UCHL5: variants seen among roughly 807,000 people sequenced by gnomAD.
The protein encoded by UCHL5 is ubiquitin C-terminal hydrolase L5.
Under a neutral mutation model 53.8 loss-of-function variants are expected in UCHL5, and 34 were observed. The observed-to-expected ratio is 0.63, with a 90% CI of 0.48 to 0.84. The LOEUF (loss-of-function observed/expected upper bound fraction) is 0.84, where lower values mean the gene tolerates loss of function less well. Among genes scored for constraint, UCHL5 ranks in the 40% least tolerant of loss-of-function variants. The probability of loss-of-function intolerance (pLI) is 0.00; values close to 1 mark genes in which losing one functional copy is unlikely to be tolerated. For synonymous variants in UCHL5, 111 were observed against 126.3 expected (o/e 0.88, Z 0.81); for missense variants, 290 against 385.6 (o/e 0.75, Z 2.08).
intron 3 of UCHL5, among the ~76,000 whole-genome samples, chr1:193,040,414 T>C (rs888109879): frequency 1.3e-5 from 2 of 152,160 alleles, no homozygotes; most frequent in Non-Finnish European, 2.9e-5. Context: ...TCATTAATCA[T>C]CAGAGCAATG....
At chr1:193,060,013 C>G (rs755037411), upstream of UCHL5, 151 of 1,359,448 alleles carry the variant, frequency 1.1e-4, no homozygotes, top group Non-Finnish European at 1.4e-4. Context: ...CAGGGTGGGC[C>G]CTTTCCGAAG....
intron 8 of UCHL5, among the ~76,000 whole-genome samples, chr1:193,023,535 G>A (rs1487714070): frequency 6.6e-6 from 1 of 152,012 alleles, no homozygotes; most frequent in African/African-American, 2.4e-5. Context: ...CACTTATTTA[G>A]CATTTACCAT....
In UCHL5 at chr1:193,014,689, T is replaced by G. The variant is rs1654638672; in HGVS notation, c.*1662A>C. On this transcript the variant is annotated 3_prime_UTR_variant, in exon 11 of 11. Transcript: ENST00000367454. The stretch of plus-strand genomic sequence containing the variant: ...TCAGCTATTCTATTCTGGCTCCATT[T>G]GTTGAAAAGACTTTCCTTCTCTGTT... 1 of 152,210 alleles carries G rather than the reference T, an allele frequency of 6.6e-6. No homozygotes were observed. The highest frequency in any genetic ancestry group is 1.5e-5 in the Non-Finnish European group (1 of 68,026). 9.4% of individuals were successfully genotyped at this position (152,210 alleles called of 1,614,324 possible). A position where few individuals can be genotyped will look rare whatever the true frequency, so the allele number is the denominator to read the frequency against.
chr1:193,025,878 C>T (rs567987329), intron 7 of UCHL5, among the ~76,000 whole-genome samples: 49 of 152,110 alleles, frequency 3.2e-4, no homozygotes, highest in African/African-American at 1.2e-3. Context: ...TGAAAGGCAT[C>T]GGTCTACCTG....
intron 8 of UCHL5, among the ~76,000 whole-genome samples, chr1:193,023,444 T>C (rs986217533): frequency 6.6e-6 from 1 of 152,170 alleles, no homozygotes; most frequent in Non-Finnish European, 1.5e-5. Context: ...ACTCTAAATA[T>C]ACCCAGTTAA....
intron 2 of UCHL5, among the ~76,000 whole-genome samples, 158 bp downstream of exon 2, chr1:193,051,595 AT>A (rs1669081688): frequency 1.3e-5 from 2 of 152,084 alleles, no homozygotes; most frequent in South Asian, 2.1e-4. Context: ...TTATAAAAAA[AT>A]AATAATAATA....
intron 3 of UCHL5, among the ~76,000 whole-genome samples, chr1:193,042,623 G>A (rs79233382): frequency 0.016 from 2,411 of 152,096 alleles, 57 homozygotes; most frequent in African/African-American, 0.054. Context: ...ACTATCACAT[G>A]GACTTCTGCA....
chr1:193,056,417 T>G (rs1307852913), intron 1 of UCHL5, among the ~76,000 whole-genome samples: 1 of 152,214 alleles, frequency 6.6e-6, no homozygotes, highest in Non-Finnish European at 1.5e-5. Context: ...TTTTCTACTT[T>G]CTTATTAAAA....
chr1:193,059,848 C>T, upstream of UCHL5: 1 of 1,362,502 alleles, frequency 7.3e-7, no homozygotes, highest in Non-Finnish European at 9.8e-7. This position sits in a 1 kb window ranked among gnomAD's most constrained non-coding sequence, Gnocchi z 4.9. Context: ...CTGACCAGTC[C>T]TCCATGTCTC....
At chr1:193,059,422 G>A (rs755016729), upstream of UCHL5, 8 of 1,610,626 alleles carry the variant, frequency 5.0e-6, no homozygotes, top group African/African-American at 1.1e-4. The surrounding 1 kb of genome is among the most constrained non-coding windows in gnomAD (Gnocchi z 4.9). Context: ...CCTGCAGCGC[G>A]ACTGAGCGCG....
chr1:193,039,783 T>C (rs1230097755), intron 3 of UCHL5, among the ~76,000 whole-genome samples: 6 of 152,196 alleles, frequency 3.9e-5, no homozygotes, highest in Admixed American at 6.5e-5. Flanking sequence ...AACAGGATTC[T>C]AGCATAAATA....
At chr1:193,030,235 C>T (rs1027052988) in intron 3 of UCHL5, among the ~76,000 whole-genome samples, 1 of 152,178 alleles carries the variant, frequency 6.6e-6, no homozygotes, top group East Asian at 1.9e-4. Context: ...ACATTCTAGC[C>T]AAAGGAAAAA....
chr1:193,058,398 A>C (rs533309442), intron 1 of UCHL5, among the ~76,000 whole-genome samples: 1 of 152,254 alleles, frequency 6.6e-6, no homozygotes, highest in South Asian at 2.1e-4. Flanking sequence ...CGTAGAGTCA[A>C]TAACACTTGG....
At chr1:193,049,925 TAGTC>T (rs1257611299) in intron 2 of UCHL5, 74 bp from the exon 3 acceptor site, 8 of 1,283,914 alleles carry the variant, frequency 6.2e-6, no homozygotes, top group Non-Finnish European at 7.4e-6. Flanking sequence ...TATAAAATTT[TAGTC>T]AGTTATCTAA....
chr1:193,059,799 G>T, upstream of UCHL5: 2 of 1,356,342 alleles, frequency 1.5e-6, no homozygotes, highest in Non-Finnish European at 2.0e-6. This position sits in a 1 kb window ranked among gnomAD's most constrained non-coding sequence, Gnocchi z 4.9. Flanking sequence ...CGGGAGGCCG[G>T]CTGGGAGCCT....
chr1:193,043,945 G>A (rs958560052), intron 3 of UCHL5, among the ~76,000 whole-genome samples: 8 of 152,084 alleles, frequency 5.3e-5, no homozygotes, highest in Non-Finnish European at 7.4e-5. Context: ...TTCCTCTGTT[G>A]TAATAAGCCA....
chr1:193,037,910 A>AG (rs1553252431), intron 3 of UCHL5, among the ~76,000 whole-genome samples: 1 of 150,626 alleles, frequency 6.6e-6, no homozygotes, highest in Non-Finnish European at 1.5e-5. Context: ...AAAAAAAAAA[A>AG]GGTCATTTAC....
At chr1:193,052,709 G>T (rs1292400395) in intron 1 of UCHL5, among the ~76,000 whole-genome samples, 3 of 152,128 alleles carry the variant, frequency 2.0e-5, no homozygotes, top group African/African-American at 7.2e-5. Flanking sequence ...AGATAATGTA[G>T]AAGATAATTT....
chr1:193,016,530 T>G lies in UCHL5; in HGVS notation c.943-135A>C, dbSNP rs1571396872. On this transcript the variant is annotated intron_variant, in intron 10 of 10. Coordinates refer to ENST00000367454, the MANE Select transcript of UCHL5 (RefSeq NM_001199261.3). ...TGTTTATAAGACTTCTAAAGCATTA[T>G]GTTTTATAACTTGAGACTTATAACA... The G allele has an allele frequency of 1.2e-5, 9 of 741,594 alleles. No homozygotes were observed. The East Asian group carries it at 2.8e-4, about 23-fold the overall frequency. 45.9% of individuals were successfully genotyped at this position (741,594 alleles called of 1,614,324 possible).
Sources: gnomAD v4.1 joint callset for allele counts (sites outside exome capture counted in the v4.1 genomes callset) on GRCh38, gnomAD v4.1.1 for gene constraint, Gnocchi (gnomAD v3.1) non-coding constraint, MANE v1.5 for transcripts, NCBI Gene and HGNC (gene_info 2026-07-23, HGNC 2026-07-21) for gene names.